Variants in TTC6 observed in about 807,000 individuals in gnomAD.
TTC6 encodes tetratricopeptide repeat domain 6, also known as tetratricopeptide repeat protein 6.
In TTC6, 172 loss-of-function variants were observed where a neutral mutation model predicts 210.4. The observed-to-expected ratio is 0.82, with a 90% CI of 0.72 to 0.93. The LOEUF (loss-of-function observed/expected upper bound fraction) is 0.93. Among genes scored for constraint, TTC6 ranks in the 40% least tolerant of loss-of-function variants. The pLI, the probability that TTC6 is intolerant of heterozygous loss-of-function variation, is 0.00. For missense variants in TTC6, 2,414 were observed against 2,318.1 expected (o/e 1.04, Z -0.85); for synonymous variants, 804 against 819.6 (o/e 0.98, Z 0.32).
intron 13 of TTC6, among the ~76,000 whole-genome samples, chr14:37,752,032 C>T (rs187980959): frequency 1.3e-5 from 2 of 151,604 alleles, no homozygotes; most frequent in Admixed American, 6.6e-5. Context: ...TCACTGTGTT[C>T]GCCAGGATGG....
At position 37,598,292 on chromosome 14, in the gene TTC6, C is replaced by G. The variant is rs2095608375; in HGVS notation, c.-235+2284C>G. On this transcript the variant is annotated intron_variant, in intron 1 of 2. Transcript: ENST00000556845. The surrounding 1 kb of genome is among the most constrained non-coding windows in gnomAD (Gnocchi z 4.9). Reference sequence around the variant, plus strand: ...GCACGTGGCGGCTCCTGCGGTGTCCCGGGTTAAACTTGCCTGTGTTTAAGA... The same window carrying G: ...GCACGTGGCGGCTCCTGCGGTGTCCGGGGTTAAACTTGCCTGTGTTTAAGA... Among the ~76,000 whole-genome samples, 1 of 152,066 alleles carries G rather than the reference C, an allele frequency of 6.6e-6. No homozygotes were observed. Among genetic ancestry groups the G allele is most frequent in the African/African-American group, 2.4e-5 (1 of 41,396 alleles).
intron 5 of TTC6, 92 bp from the exon 8 acceptor site, chr14:37,714,563 G>A: frequency 1.0e-6 from 1 of 1,001,170 alleles, no homozygotes; most frequent in East Asian, 2.7e-5. Flanking sequence ...ATGTCCATGT[G>A]TTTATTTCAG....
At chr14:37,778,083 T>G (rs2096043455) in intron 14 of TTC6, among the ~76,000 whole-genome samples, 1 of 152,180 alleles carries the variant, frequency 6.6e-6, no homozygotes, top group Non-Finnish European at 1.5e-5. Flanking sequence ...GCAGGATCTG[T>G]GCTCCCTTTG....
intron 4 of TTC6, among the ~76,000 whole-genome samples, chr14:37,698,416 C>A (rs752005301): frequency 6.6e-6 from 1 of 152,146 alleles, no homozygotes; most frequent in African/African-American, 2.4e-5. Context: ...AATGTAATCT[C>A]AAACACATTC....
intron 4 of TTC6, among the ~76,000 whole-genome samples, chr14:37,699,566 A>C (rs2138670089): frequency 6.6e-6 from 1 of 152,262 alleles, no homozygotes; most frequent in East Asian, 1.9e-4. Context: ...GGAGCACTTA[A>C]AGGAGATCAA....
chr14:37,679,463 CA>C (rs1208467083), intron 1 of TTC6, among the ~76,000 whole-genome samples: 2 of 152,092 alleles, frequency 1.3e-5, no homozygotes, highest in South Asian at 2.1e-4. Flanking sequence ...ATGATACTAA[CA>C]GTCCATCCAG....
At chr14:37,836,483 A>G (rs1352195767) in intron 29 of TTC6, among the ~76,000 whole-genome samples, 1 of 152,190 alleles carries the variant, frequency 6.6e-6, no homozygotes, top group African/African-American at 2.4e-5. Context: ...TGATTACTAT[A>G]TGGGCATCAT....
chr14:37,840,605 T>C (rs939453404), intron 29 of TTC6, among the ~76,000 whole-genome samples: 1 of 152,068 alleles, frequency 6.6e-6, no homozygotes, highest in African/African-American at 2.4e-5. Flanking sequence ...CTCAATAAAA[T>C]ACTGGCAAAC....
chr14:37,798,104 T>C (rs574777070), intron 20 of TTC6, among the ~76,000 whole-genome samples: 2 of 152,240 alleles, frequency 1.3e-5, no homozygotes, highest in Non-Finnish European at 2.9e-5. Context: ...CACACCATAT[T>C]CTTCTCTAGG....
chr14:37,700,187 C>G (rs928075604), intron 4 of TTC6, among the ~76,000 whole-genome samples: 1 of 152,130 alleles, frequency 6.6e-6, no homozygotes, highest in Non-Finnish European at 1.5e-5. Context: ...GGATGGAGTA[C>G]TTCTGGAGAA....
intron 17 of TTC6, 39 bp from the exon 20 acceptor site, chr14:37,795,231 A>G: frequency 7.2e-7 from 1 of 1,382,514 alleles, no homozygotes; most frequent in Non-Finnish European, 9.9e-7. Context: ...GAAGCAATCG[A>G]TGTTATTAGG....
chr14:37,610,916 T>C (rs1165527240), intron 2 of TTC6, among the ~76,000 whole-genome samples: 2 of 152,252 alleles, frequency 1.3e-5, no homozygotes, highest in African/African-American at 2.4e-5. Context: ...GCTGAAGTTT[T>C]AAGTCTCGGG....
chr14:37,840,663 T>G (rs993807640), intron 29 of TTC6, among the ~76,000 whole-genome samples: 1 of 152,242 alleles, frequency 6.6e-6, no homozygotes, highest in South Asian at 2.1e-4. Context: ...CAAGTTGGCT[T>G]CATTCCTGGG....
intron 30 of TTC6, 63 bp from the exon 33 acceptor site, chr14:37,842,092 T>G (rs1595345550): frequency 7.2e-7 from 1 of 1,383,506 alleles, no homozygotes; most frequent in Non-Finnish European, 9.4e-7. Flanking sequence ...TTTTTTTTTG[T>G]AAAAAAAGAG....
chr14:37,804,191 AT>A (rs1257795236), intron 20 of TTC6, among the ~76,000 whole-genome samples: 17 of 152,088 alleles, frequency 1.1e-4, no homozygotes, highest in Admixed American at 1.1e-3. Context: ...GAGGTAGTTT[AT>A]TTTTTTGGTG....
At chr14:37,665,476 C>A (rs1023888183) in intron 1 of TTC6, among the ~76,000 whole-genome samples, 1 of 150,098 alleles carries the variant, frequency 6.7e-6, no homozygotes, top group African/African-American at 2.4e-5. Context: ...TGAGGGAGAA[C>A]AACACACACT....
At chr14:37,634,775 G>A (rs1019637350) in intron 1 of TTC6, among the ~76,000 whole-genome samples, 6 of 152,146 alleles carry the variant, frequency 3.9e-5, no homozygotes, top group Admixed American at 6.5e-5. Flanking sequence ...TAATTTGAGA[G>A]TAGATTTCTC....
chr14:37,826,318 G>T, exon 28 of TTC6: 4 of 1,608,866 alleles, frequency 2.5e-6, no homozygotes, highest in Non-Finnish European at 3.4e-6. Flanking sequence ...TAATTTTGCT[G>T]CAATGCAGGA....
upstream of TTC6, among the ~76,000 whole-genome samples, chr14:37,620,295 T>C (rs1212403197): frequency 6.6e-6 from 1 of 152,208 alleles, no homozygotes; most frequent in East Asian, 1.9e-4. Context: ...GATAATCATA[T>C]CTGGAAATAA....
Sources: allele counts gnomAD v4.1 joint callset (sites outside exome capture counted in the v4.1 genomes callset), GRCh38; gene constraint gnomAD v4.1.1; non-coding constraint Gnocchi (gnomAD v3.1); transcripts MANE v1.5; gene names NCBI Gene and HGNC (gene_info 2026-07-23, HGNC 2026-07-21).